PPARA: variants seen among roughly 807,000 people sequenced by gnomAD.
PPARA encodes the protein peroxisome proliferator-activated receptor alpha.
In PPARA, 22 loss-of-function variants were observed where a neutral mutation model predicts 42.2. The observed-to-expected ratio is 0.52, with a 90% confidence interval of 0.37 to 0.74. The LOEUF is 0.74. PPARA is among the 30% of genes least tolerant of loss of function. PPARA has a pLI of 0.00. For missense variants in PPARA, 465 were observed against 608.2 expected (o/e 0.76, Z 2.48); for synonymous variants, 242 against 239.3 (o/e 1.01, Z -0.10).
At chr22:46,170,706 A>G (rs181937656) in intron 2 of PPARA, among the ~76,000 whole-genome samples, 166 of 151,930 alleles carry the variant, frequency 1.1e-3, no homozygotes, top group Non-Finnish European at 2.1e-3. Flanking sequence ...TGAGCAGAAA[A>G]GGCATACATC....
rs1366018776 is a variant in PPARA, at chr22:46,188,537, G to A, written c.-42-9805G>A. On this transcript the variant is annotated intron_variant, in intron 3 of 8. Coordinates refer to ENST00000407236, the MANE Select transcript of PPARA (RefSeq NM_005036.6). This position sits in a 1 kb window ranked among gnomAD's most constrained non-coding sequence, Gnocchi z 5.0. ...GTTTATTTGTACCTCTCACCTGCTA[G>A]TTGGGCAAGTTACTCACTTCTCTCA... 1.3e-5 allele frequency among the ~76,000 whole-genome samples: 2 copies of A among 152,134 alleles called. No individual in the cohort carries two copies. The highest frequency in any genetic ancestry group is 6.5e-5 in the Admixed American group (1 of 15,278).
chr22:46,154,770 C>A (rs1264847724), intron 2 of PPARA, among the ~76,000 whole-genome samples: 1 of 151,002 alleles, frequency 6.6e-6, no homozygotes, highest in Non-Finnish European at 1.5e-5. Flanking sequence ...CCTCCCTGGG[C>A]TCAGGTGATC....
In PPARA at chr22:46,173,635, T is replaced by A. The variant is rs567512729; in HGVS notation, c.-126-3118T>A. On this transcript the variant is annotated intron_variant, in intron 2 of 8. Coordinates refer to ENST00000407236, the MANE Select transcript of PPARA (RefSeq NM_005036.6). This position sits in a 1 kb window ranked among gnomAD's most constrained non-coding sequence, Gnocchi z 4.3. ...TTTCAGATTAAAAGAGAGAAGACAA[T>A]AAAATGTAATACCTGACTCTGAACA... Among the ~76,000 whole-genome samples, 2 of 152,260 alleles carry A rather than the reference T, an allele frequency of 1.3e-5. No homozygotes were observed. The highest frequency in any genetic ancestry group is 4.8e-5 in the African/African-American group (2 of 41,548).
chr22:46,156,664 C>T lies in PPARA; in HGVS notation c.-127+4694C>T, dbSNP rs887018235. On this transcript the variant is annotated intron_variant, in intron 2 of 8. Coordinates refer to ENST00000407236, the MANE Select transcript of PPARA (RefSeq NM_005036.6). This position sits in a 1 kb window ranked among gnomAD's most constrained non-coding sequence, Gnocchi z 5.2. ...TCACCCAGGCTGCAGTGCAGTGGCA[C>T]AATCTTGGCTCACTGCAACCTCCGC... 6.6e-6 allele frequency: 1 copy of T among 152,220 alleles called. No individual in the cohort carries two copies. The highest frequency in any genetic ancestry group is 2.4e-5 in the African/African-American group (1 of 41,426). 9.4% of individuals were successfully genotyped at this position (152,220 alleles called of 1,614,324 possible). A position where few individuals can be genotyped will look rare whatever the true frequency, so the allele number is the denominator to read the frequency against.
intron 4 of PPARA, among the ~76,000 whole-genome samples, chr22:46,207,029 C>A (rs923220901): frequency 6.6e-6 from 1 of 152,006 alleles, no homozygotes; most frequent in Non-Finnish European, 1.5e-5. Flanking sequence ...TCAAGACCAG[C>A]CTGACCAATA....
Position 46,222,715 on chromosome 22 carries a change from C to T in PPARA, c.711+2701C>T, listed in dbSNP as rs532609254. Among the ~76,000 whole-genome samples the T allele has an allele frequency of 6.6e-6, 1 of 152,304 alleles. No homozygotes were observed. The highest frequency in any genetic ancestry group is 1.9e-4 in the East Asian group (1 of 5,188). ...TTTGTTTGCCAGCTTATATTTCTCC[C>T]TTGGATTTCAGAATTGAAAGCAGGC... On this transcript the variant is annotated intron_variant, in intron 7 of 8. Transcript: ENST00000407236. The surrounding 1 kb of genome is among the most constrained non-coding windows in gnomAD (Gnocchi z 5.9).
At chr22:46,159,945 A>G (rs1039547161) in intron 2 of PPARA, among the ~76,000 whole-genome samples, 2 of 152,198 alleles carry the variant, frequency 1.3e-5, no homozygotes, top group Non-Finnish European at 2.9e-5. Flanking sequence ...AGGTTTCCAG[A>G]CCCAGGGAAG....
intron 2 of PPARA, among the ~76,000 whole-genome samples, chr22:46,152,665 G>C (rs775581324): frequency 6.6e-6 from 1 of 152,250 alleles, no homozygotes; most frequent in South Asian, 2.1e-4. Flanking sequence ...AGATAGACCC[G>C]TGCCAGAACA....
rs368118061 is a variant in PPARA at position 46,219,759 on chromosome 22, C to T, written c.509-53C>T. Reference sequence around the variant, plus strand: ...GGGGAGCCCCTCGTCCAGCCCTGTCCGCGCAGTCATGACCTCACTGCTCAT... The same window carrying T: ...GGGGAGCCCCTCGTCCAGCCCTGTCTGCGCAGTCATGACCTCACTGCTCAT... On this transcript the variant is annotated intron_variant, in intron 6 of 8. Transcript: ENST00000407236. The surrounding 1 kb of genome is among the most constrained non-coding windows in gnomAD (Gnocchi z 4.8). 1.3e-4 allele frequency: 209 copies of T among 1,570,834 alleles called. 1 individual carries two copies. The South Asian group carries it at 1.9e-3, about 14-fold the overall frequency.
chr22:46,228,819 T>C (rs1935656873), intron 7 of PPARA, among the ~76,000 whole-genome samples: 1 of 151,946 alleles, frequency 6.6e-6, no homozygotes, highest in Admixed American at 6.6e-5. Context: ...TTAAAAAAAT[T>C]ATTGGCTGGG....
In PPARA at chr22:46,221,155, G is replaced by A. The variant is rs925893862; in HGVS notation, c.711+1141G>A. 1.3e-4 allele frequency among the ~76,000 whole-genome samples: 20 copies of A among 152,024 alleles called. No individual in the cohort carries two copies. Among genetic ancestry groups the A allele is most frequent in the Non-Finnish European group, 2.5e-4 (17 of 67,998 alleles). On this transcript the variant is annotated intron_variant, in intron 7 of 8. Transcript: ENST00000407236. This position sits in a 1 kb window ranked among gnomAD's most constrained non-coding sequence, Gnocchi z 5.9. ...TGGGAGTAGGCGTCTTGCATGGCAG[G>A]AGCAAAAACAAGAGACACACACTTT...
chr22:46,205,533 TATATATATATA>T (rs1933159009), intron 4 of PPARA, among the ~76,000 whole-genome samples: 1 of 32,922 alleles, frequency 3.0e-5, no homozygotes, highest in African/African-American at 1.5e-4. Flanking sequence ...TATATATATA[TATATATATATA>T]TATATATATA....
chr22:46,198,473 A>G lies in PPARA; in HGVS notation c.90A>G (p.Glu30=). The G allele has an allele frequency of 6.2e-7, 1 of 1,613,872 alleles. No homozygotes were observed. Residue 30 remains glutamate (E), a synonymous_variant, in exon 4 of 9, where the codon GAA becomes GAG. Transcript: ENST00000407236. ...CGTTATCTGAAGAGTTCCTGCAAGA[A>G]ATGGGAAACATCCAAGAGATTTCGC... ...ESPLSEEFLQ[E]MGNIQEISQS... is the part of the protein sequence containing the mutation.
chr22:46,209,896 C>G (rs1244817915), intron 4 of PPARA, among the ~76,000 whole-genome samples: 3 of 152,090 alleles, frequency 2.0e-5, no homozygotes, highest in Admixed American at 2.0e-4. Flanking sequence ...CAGGTACACA[C>G]CACCACACCT....
At position 46,212,403 on chromosome 22, in the gene PPARA, C is replaced by T. The variant is rs749147779; in HGVS notation, c.209-2770C>T. Among the ~76,000 whole-genome samples, 27 of 152,168 alleles carry T rather than the reference C, an allele frequency of 1.8e-4. No individual in the cohort carries two copies. The highest frequency in any genetic ancestry group is 2.4e-4 in the Non-Finnish European group (16 of 68,034). ...ATAGTTTCACCACATCAAAAAACCC[C>T]ATGCTTCACCTATTCAACCCTGCCT... On this transcript the variant is annotated intron_variant, in intron 4 of 8. Transcript: ENST00000407236. The surrounding 1 kb of genome is among the most constrained non-coding windows in gnomAD (Gnocchi z 4.2).
chr22:46,242,726 T>TGTGTGCGCGCGCGCGC lies in PPARA; in HGVS notation c.*7347_*7348insTGTGCGCGCGCGCGCG, dbSNP rs1354648994. On this transcript the variant is annotated 3_prime_UTR_variant, in exon 9 of 9. Coordinates refer to ENST00000407236, the MANE Select transcript of PPARA (RefSeq NM_005036.6). The surrounding 1 kb of genome is among the most constrained non-coding windows in gnomAD (Gnocchi z 6.1). ...ATCTAAAATACACTGCGTACACGTGTGCGTGCACACACACACACACACACA... is the reference window on the plus strand; with the variant it reads ...ATCTAAAATACACTGCGTACACGTGTGTGTGCGCGCGCGCGCGCGTGCACACACACACACACACACA... 2.3e-5 allele frequency: 3 copies of TGTGTGCGCGCGCGCGC among 130,440 alleles called. No homozygotes were observed. The highest frequency in any genetic ancestry group is 1.0e-4 in the African/African-American group (3 of 28,850). 8.1% of individuals were successfully genotyped at this position (130,440 alleles called of 1,614,324 possible).
intron 4 of PPARA, among the ~76,000 whole-genome samples, chr22:46,209,314 C>T (rs1325697945): frequency 3.9e-5 from 6 of 152,104 alleles, no homozygotes; most frequent in Non-Finnish European, 7.4e-5. Flanking sequence ...TTCCTTTATG[C>T]TCCTTGTGCT....
chr22:46,176,617 G>A (rs1052750686), intron 2 of PPARA, 136 bp from the exon 3 acceptor site: 2 of 152,234 alleles, frequency 1.3e-5, no homozygotes, highest in African/African-American at 4.8e-5. Flanking sequence ...GGTCTGTCTA[G>A]GTGAATGTTC....
chr22:46,186,627 C>T (rs1679664858), intron 3 of PPARA, among the ~76,000 whole-genome samples: 1 of 152,108 alleles, frequency 6.6e-6, no homozygotes, highest in South Asian at 2.1e-4. Context: ...TAGTGGCTCA[C>T]GCCTGAACAC....
Sources: allele counts gnomAD v4.1 joint callset (sites outside exome capture counted in the v4.1 genomes callset), GRCh38; gene constraint gnomAD v4.1.1; non-coding constraint Gnocchi (gnomAD v3.1); transcripts MANE v1.5; gene names NCBI Gene and HGNC (gene_info 2026-07-23, HGNC 2026-07-21).